Variants in ANXA10 observed in about 807,000 individuals in gnomAD.
The protein encoded by ANXA10 is annexin A10, also known as annexin 14.
A neutral mutation model predicts 53.5 loss-of-function variants in ANXA10; 49 were observed. The observed-to-expected ratio is 0.92, with a 90% CI of 0.73 to 1.16. The LOEUF (loss-of-function observed/expected upper bound fraction) is 1.16, where lower values mean the gene tolerates loss of function less well. Among genes scored for constraint, ANXA10 ranks in the 50% most tolerant of loss-of-function variants. The pLI is 0.00. For missense variants in ANXA10, 393 were observed against 394.4 expected (o/e 1.00, Z 0.03); for synonymous variants, 131 against 128.9 (o/e 1.02, Z -0.11).
chr4:168,152,902 G>A (rs1223120832), intron 3 of ANXA10, among the ~76,000 whole-genome samples: 6 of 151,560 alleles, frequency 4.0e-5, no homozygotes. Flanking sequence ...AGAGTGCCAC[G>A]GGACAATCAC....
chr4:168,178,040 G>A, intron 8 of ANXA10, 57 bp downstream of exon 8: 5 of 1,498,276 alleles, frequency 3.3e-6, no homozygotes, highest in Middle Eastern at 2.3e-4. Context: ...ACAAAAAGAA[G>A]GTGGTTAACT....
intron 3 of ANXA10, among the ~76,000 whole-genome samples, chr4:168,161,475 G>A (rs576582744): frequency 4.6e-5 from 7 of 152,270 alleles, no homozygotes; most frequent in African/African-American, 1.7e-4. Context: ...TTGTATTATA[G>A]TTTGCAGTTG....
chr4:168,122,109 G>A (rs1730996016), intron 1 of ANXA10, among the ~76,000 whole-genome samples: 1 of 152,106 alleles, frequency 6.6e-6, no homozygotes, highest in South Asian at 2.1e-4. Flanking sequence ...CAAAGTGCTG[G>A]GATTACTGGC....
At chr4:168,144,496 A>G (rs760084185) in intron 3 of ANXA10, among the ~76,000 whole-genome samples, 7 of 151,704 alleles carry the variant, frequency 4.6e-5, no homozygotes, top group Non-Finnish European at 7.4e-5. Flanking sequence ...TGTTGTTCTT[A>G]CTTACCACTA....
chr4:168,125,230 A>G (rs1256979086), intron 1 of ANXA10, among the ~76,000 whole-genome samples: 1 of 152,206 alleles, frequency 6.6e-6, no homozygotes, highest in Non-Finnish European at 1.5e-5. Flanking sequence ...AGTCAATGCC[A>G]TGTTCTGGGT....
At chr4:168,129,118 G>T (rs987829471) in intron 2 of ANXA10, among the ~76,000 whole-genome samples, 3 of 152,002 alleles carry the variant, frequency 2.0e-5, no homozygotes, top group Non-Finnish European at 4.4e-5. Context: ...AAGAAAGCAA[G>T]CTCTTAACTT....
At chr4:168,150,008 A>T (rs1731471500) in intron 3 of ANXA10, among the ~76,000 whole-genome samples, 1 of 152,194 alleles carries the variant, frequency 6.6e-6, no homozygotes, top group African/African-American at 2.4e-5. Flanking sequence ...GAAATTAGGC[A>T]CTAAAGCCTA....
intron 1 of ANXA10, among the ~76,000 whole-genome samples, chr4:168,114,436 T>A (rs912867039): frequency 1.3e-5 from 2 of 152,188 alleles, no homozygotes; most frequent in Non-Finnish European, 2.9e-5. Flanking sequence ...CATTTGAAAC[T>A]CTATGTTTTC....
In ANXA10 at chr4:168,177,677, A is replaced by G. The variant is rs1246622229; in HGVS notation, c.481-63A>G. On this transcript the variant is annotated intron_variant, in intron 6 of 11. Coordinates refer to ENST00000359299, the MANE Select transcript of ANXA10 (RefSeq NM_007193.5). ...AATGTTTTTCAAGGATTTCAGTCTC[A>G]CTAATCCAATATGAGTTGCTGACTA... The G allele has an allele frequency of 6.6e-6, 10 of 1,514,832 alleles. No individual in the cohort carries two copies. In the East Asian group the frequency reaches 2.0e-4, roughly 31 times the overall value. 93.8% of individuals were successfully genotyped at this position (1,514,832 alleles called of 1,614,324 possible). A position where few individuals can be genotyped will look rare whatever the true frequency, so the allele number is the denominator to read the frequency against.
intron 1 of ANXA10, among the ~76,000 whole-genome samples, chr4:168,098,161 T>C (rs1730582699): frequency 6.6e-6 from 1 of 152,180 alleles, no homozygotes; most frequent in African/African-American, 2.4e-5. Context: ...CTTTTTTTTA[T>C]TTTTCCTAAT....
intron 1 of ANXA10, among the ~76,000 whole-genome samples, chr4:168,110,717 G>C (rs1040090606): frequency 4.6e-5 from 7 of 152,036 alleles, no homozygotes; most frequent in Admixed American, 6.5e-5. Flanking sequence ...GCCAGGTTTT[G>C]TCTAGCTGCA....
Position 168,179,266 on chromosome 4 carries a change from T to C in ANXA10, c.678T>C (p.Ile226=). The change falls in exon 9 of 12, where the codon ATT becomes ATC. Residue 226 remains isoleucine (I), a synonymous_variant. Transcript: ENST00000359299. ...NISGQDMVDA[I]NECYDGYFQE... ...CTGGGCAAGATATGGTAGATGCCAT[T>C]AATGAATGTTATGATGGATACTTTC... 6.2e-7 allele frequency: 1 copy of C among 1,612,126 alleles called. No individual in the cohort carries two copies. Among genetic ancestry groups the C allele is most frequent in the Non-Finnish European group, 8.5e-7 (1 of 1,179,176 alleles).
intron 2 of ANXA10, among the ~76,000 whole-genome samples, chr4:168,131,308 G>T (rs1012010924): frequency 1.3e-5 from 2 of 151,862 alleles, no homozygotes; most frequent in Non-Finnish European, 2.9e-5. Context: ...CTGATTTCTA[G>T]TTTAATTTCA....
chr4:168,173,922 C>T (rs970289725), intron 6 of ANXA10, among the ~76,000 whole-genome samples: 14 of 151,614 alleles, frequency 9.2e-5, no homozygotes, highest in African/African-American at 1.7e-4. Context: ...TCAGCACATA[C>T]CCCCCCATTC....
chr4:168,151,879 C>T (rs1355745979), intron 3 of ANXA10, among the ~76,000 whole-genome samples: 1 of 152,154 alleles, frequency 6.6e-6, no homozygotes, highest in Non-Finnish European at 1.5e-5. Context: ...AAGAAAACTG[C>T]TTGATGATAA....
chr4:168,174,083 C>T (rs1732071587), intron 6 of ANXA10, among the ~76,000 whole-genome samples: 1 of 152,078 alleles, frequency 6.6e-6, no homozygotes. Flanking sequence ...TAAAACCCTT[C>T]ACCTTGCTCA....
At chr4:168,128,686 G>A (rs913858881) in intron 2 of ANXA10, among the ~76,000 whole-genome samples, 7 of 151,920 alleles carry the variant, frequency 4.6e-5, no homozygotes, top group Non-Finnish European at 8.8e-5. Flanking sequence ...CTGTTCAGAT[G>A]AGCCTTCCTC....
At chr4:168,159,913 A>C (rs1488391527) in intron 3 of ANXA10, among the ~76,000 whole-genome samples, 1 of 152,142 alleles carries the variant, frequency 6.6e-6, no homozygotes, top group East Asian at 1.9e-4. Flanking sequence ...CCAGTATTGA[A>C]CCACCTCAGA....
chr4:168,163,137 T>G (rs2039253765), intron 4 of ANXA10, among the ~76,000 whole-genome samples: 2 of 152,118 alleles, frequency 1.3e-5, no homozygotes, highest in East Asian at 3.9e-4. Context: ...TTTTTTTTTT[T>G]GCTCAAATGT....
Sources: allele counts gnomAD v4.1 joint callset (sites outside exome capture counted in the v4.1 genomes callset), GRCh38; gene constraint gnomAD v4.1.1; transcripts MANE v1.5; gene names NCBI Gene and HGNC (gene_info 2026-07-23, HGNC 2026-07-21).